Variants in FGF14 observed in about 807,000 individuals in gnomAD.
FGF14 encodes fibroblast growth factor homologous factor 4.
A neutral mutation model predicts 25.5 loss-of-function variants in FGF14; 5 were observed. The observed-to-expected ratio is 0.20, with a 90% CI of 0.10 to 0.41. The LOEUF is 0.41. Among genes scored for constraint, FGF14 ranks in the 10% least tolerant of loss-of-function variants. The pLI is 1.00. For synonymous variants in FGF14, 138 were observed against 118.3 expected (o/e 1.17, Z -1.08); for missense variants, 222 against 320.1 (o/e 0.69, Z 2.34).
intron 1 of FGF14, among the ~76,000 whole-genome samples, chr13:102,346,316 C>T (rs1250698233): frequency 6.6e-6 from 1 of 152,098 alleles, no homozygotes; most frequent in Non-Finnish European, 1.5e-5. Flanking sequence ...TCTATAACTA[C>T]ATAATTCCAT....
chr13:101,833,849 G>A (rs2042796836), intron 3 of FGF14, among the ~76,000 whole-genome samples: 1 of 151,914 alleles, frequency 6.6e-6, no homozygotes, highest in African/African-American at 2.4e-5. Flanking sequence ...GTAGACTTGG[G>A]GCAACTAAAC....
rs150073340 is a variant in FGF14 at position 101,995,760 on chromosome 13, G to A, written c.209-120464C>T. ...GCCTAGAAGAGCTGGCATTTGATTT[G>A]GGCCTTGAAATGTGAAAGGGACTTT... On this transcript the variant is annotated intron_variant, in intron 1 of 4. Transcript: ENST00000376131. Among the ~76,000 whole-genome samples the A allele has an allele frequency of 3.7e-3, 566 of 152,182 alleles. 6 individuals are homozygous for A. The highest frequency in any genetic ancestry group is 0.013 in the African/African-American group (534 of 41,528).
At chr13:102,304,407 C>T (rs1407610848) in intron 1 of FGF14, among the ~76,000 whole-genome samples, 1 of 152,064 alleles carries the variant, frequency 6.6e-6, no homozygotes, top group African/African-American at 2.4e-5. Flanking sequence ...CTGATTCTTC[C>T]CTAACACGGG....
At chr13:102,315,075 CAT>C (rs2055954669) in intron 1 of FGF14, among the ~76,000 whole-genome samples, 1 of 151,156 alleles carries the variant, frequency 6.6e-6, no homozygotes, top group Admixed American at 6.6e-5. Flanking sequence ...GATATACAAA[CAT>C]ATATGTACAA....
At chr13:102,256,558 G>A (rs1245702520) in intron 1 of FGF14, among the ~76,000 whole-genome samples, 1 of 152,160 alleles carries the variant, frequency 6.6e-6, no homozygotes, top group African/African-American at 2.4e-5. Flanking sequence ...CTAGCAACTT[G>A]TCAAATTTTG....
At chr13:101,749,461 A>G (rs1266595121) in intron 3 of FGF14, among the ~76,000 whole-genome samples, 1 of 152,134 alleles carries the variant, frequency 6.6e-6, no homozygotes, top group Non-Finnish European at 1.5e-5. Flanking sequence ...ACACTCTTAA[A>G]ATGACAAAAA....
Position 102,253,577 on chromosome 13 carries a change from G to A in FGF14, c.208+147894C>T, listed in dbSNP as rs144601333. ...GATTCTGGATATTAGCACTCTGTCA[G>A]ATGGATAGATTGCAAAAATTTCCCC... On this transcript the variant is annotated intron_variant, in intron 1 of 4. Coordinates refer to the FGF14 transcript ENST00000376131. Among the ~76,000 whole-genome samples the A allele has an allele frequency of 3.6e-4, 55 of 152,270 alleles. 2 individuals carry two copies. The East Asian group carries it at 0.01, about 29-fold the overall frequency.
chr13:101,804,689 C>T (rs976246069), intron 3 of FGF14, among the ~76,000 whole-genome samples: 1 of 148,346 alleles, frequency 6.7e-6, no homozygotes, highest in Middle Eastern at 3.4e-3. Context: ...TATATATATA[C>T]ACACACACAT....
At chr13:101,748,579 A>G (rs2037050469) in intron 3 of FGF14, among the ~76,000 whole-genome samples, 1 of 151,748 alleles carries the variant, frequency 6.6e-6, no homozygotes, top group Non-Finnish European at 1.5e-5. Context: ...ACAGCCATGT[A>G]AAAAAACAGC....
At chr13:102,189,959 A>T (rs911555377) in intron 1 of FGF14, among the ~76,000 whole-genome samples, 1 of 152,166 alleles carries the variant, frequency 6.6e-6, no homozygotes, top group African/African-American at 2.4e-5. Context: ...GCCATTCATG[A>T]GGAATCTGCT....
intron 3 of FGF14, among the ~76,000 whole-genome samples, chr13:101,805,280 C>G (rs1266080533): frequency 6.6e-6 from 1 of 152,022 alleles, no homozygotes; most frequent in Non-Finnish European, 1.5e-5. Flanking sequence ...ACAAAAGAAA[C>G]TGTGTGGAGG....
chr13:102,278,645 T>TACAC (rs1445760652), intron 1 of FGF14, among the ~76,000 whole-genome samples: 2 of 146,954 alleles, frequency 1.4e-5, no homozygotes, highest in African/African-American at 5.1e-5. Context: ...TATATATATA[T>TACAC]ACATACACAC....
chr13:102,288,809 T>C (rs2054236600), intron 1 of FGF14, among the ~76,000 whole-genome samples: 1 of 152,128 alleles, frequency 6.6e-6, no homozygotes, highest in Non-Finnish European at 1.5e-5. Flanking sequence ...GGTCTCAAAC[T>C]CCTAACCTCA....
At chr13:102,106,037 A>T (rs1193923403) in intron 1 of FGF14, among the ~76,000 whole-genome samples, 1 of 152,216 alleles carries the variant, frequency 6.6e-6, no homozygotes, top group Non-Finnish European at 1.5e-5. Flanking sequence ...TAGCATTTAC[A>T]TTCAAAAAGA....
At chr13:101,789,102 G>A (rs2040082832) in intron 3 of FGF14, among the ~76,000 whole-genome samples, 1 of 151,664 alleles carries the variant, frequency 6.6e-6, no homozygotes, top group Non-Finnish European at 1.5e-5. Context: ...ACTCACAGAT[G>A]TCTCTGATTT....
chr13:102,224,231 A>T (rs529316596), intron 1 of FGF14, among the ~76,000 whole-genome samples: 2 of 152,278 alleles, frequency 1.3e-5, no homozygotes, highest in African/African-American at 4.8e-5. Flanking sequence ...CCCTTGGATG[A>T]AAGTAGCTCT....
chr13:101,756,891 A>C (rs1340720531), intron 3 of FGF14, among the ~76,000 whole-genome samples: 1 of 152,254 alleles, frequency 6.6e-6, no homozygotes, highest in East Asian at 1.9e-4. Flanking sequence ...ATTTTAAAAA[A>C]TTAAGTTAGT....
At chr13:102,161,648 A>AGAAGAAGAAGAAGAG (rs2047732175) in intron 1 of FGF14, among the ~76,000 whole-genome samples, 1 of 18,412 alleles carries the variant, frequency 5.4e-5, no homozygotes, top group South Asian at 2.3e-3. Flanking sequence ...AAGAAGAAGA[A>AGAAGAAGAAGAAGAG]GAAGAAGAAG....
intron 4 of FGF14, among the ~76,000 whole-genome samples, chr13:101,724,649 G>T (rs962408519): frequency 8.5e-6 from 1 of 117,856 alleles, no homozygotes; most frequent in Non-Finnish European, 1.9e-5. Context: ...AGATATGAAT[G>T]CCCTAGAGTA....
Sources: allele counts gnomAD v4.1 joint callset (sites outside exome capture counted in the v4.1 genomes callset), GRCh38; gene constraint gnomAD v4.1.1; transcripts MANE v1.5; gene names NCBI Gene and HGNC (gene_info 2026-07-23, HGNC 2026-07-21).